The following ERCC6 variants were observed in gnomAD, a reference collection of about 807,000 sequenced individuals.
ERCC6 encodes ERCC excision repair 6, chromatin remodeling factor.
In ERCC6, 116 loss-of-function variants were observed where a neutral mutation model predicts 158.7. The observed-to-expected ratio is 0.73, with a 90% CI of 0.63 to 0.85. The LOEUF is 0.85. ERCC6 is among the 40% of genes least tolerant of loss of function. The pLI is 0.00. For synonymous variants in ERCC6, 678 were observed against 659.3 expected (o/e 1.03, Z -0.43); for missense variants, 1,698 against 1,799.4 (o/e 0.94, Z 1.02).
chr10:49,436,578 C>A, the ERCC6 span, among the ~76,000 whole-genome samples: 1 of 152,188 alleles, frequency 6.6e-6, no homozygotes, highest in Non-Finnish European at 1.5e-5. Context: ...TAAAGAAAAT[C>A]AAATAAAGGT....
At chr10:49,448,385 G>A in the ERCC6 span, among the ~76,000 whole-genome samples, 1 of 152,120 alleles carries the variant, frequency 6.6e-6, no homozygotes, top group East Asian at 1.9e-4. Flanking sequence ...TAATTGGGTT[G>A]TCTTTTTGTT....
At chr10:49,467,002 A>G (rs971447528) in intron 18 of ERCC6, among the ~76,000 whole-genome samples, 2 of 152,130 alleles carry the variant, frequency 1.3e-5, no homozygotes, top group African/African-American at 4.8e-5. Context: ...GTTGGTCTCG[A>G]ACTCCTGACC....
intron 18 of ERCC6, among the ~76,000 whole-genome samples, chr10:49,461,831 CCAAA>C (rs1850588696): frequency 1.3e-5 from 2 of 152,030 alleles, no homozygotes; most frequent in South Asian, 4.1e-4. Context: ...ACAGAAAAGA[CCAAA>C]CACTTAGGAA....
intron 8 of ERCC6, among the ~76,000 whole-genome samples, chr10:49,489,910 C>T (rs1011058035): frequency 6.6e-6 from 1 of 152,100 alleles, no homozygotes; most frequent in Non-Finnish European, 1.5e-5. Context: ...TTAAAAACAT[C>T]CTTTATTTTT....
intron 16 of ERCC6, among the ~76,000 whole-genome samples, chr10:49,471,640 G>C (rs2132538657): frequency 6.6e-6 from 1 of 152,214 alleles, no homozygotes; most frequent in African/African-American, 2.4e-5. Context: ...GTCCCTCCCT[G>C]TCATTTATTC....
chr10:49,468,585 G>A (rs1350384248), intron 18 of ERCC6, among the ~76,000 whole-genome samples: 1 of 152,212 alleles, frequency 6.6e-6, no homozygotes, highest in Non-Finnish European at 1.5e-5. Flanking sequence ...AGAGACAGGT[G>A]TATCTGTGCA....
chr10:49,520,477 C>T (rs528658179), intron 5 of ERCC6, among the ~76,000 whole-genome samples: 3 of 152,328 alleles, frequency 2.0e-5, no homozygotes, highest in African/African-American at 7.2e-5. Flanking sequence ...GAGACAAAAA[C>T]ATATCTGGAA....
rs1851016945 is a variant in ERCC6 at position 49,483,456 on chromosome 10, T to G, written c.1882A>C (p.Ile628Leu). ...HGILITSYSY[I>L]RLMQDDISRY... ...CTAATGTCATCCTGCATCAATCGAA[T>G]GTAGGAGTAAGATGTGATCAAAATT... is the stretch of plus-strand genomic sequence containing the variant. The change falls in exon 9 of 21, where the codon ATT becomes CTT. Residue 628 changes from isoleucine (I) to leucine (L), a missense_variant. Coordinates refer to ENST00000355832, the MANE Select transcript of ERCC6 (RefSeq NM_000124.4). 6.2e-7 allele frequency: 1 copy of G among 1,614,150 alleles called. No individual in the cohort carries two copies. Among genetic ancestry groups the G allele is most frequent in the African/African-American group, 1.3e-5 (1 of 75,060 alleles).
intron 18 of ERCC6, among the ~76,000 whole-genome samples, chr10:49,463,059 A>G (rs899686027): frequency 1.3e-5 from 2 of 152,232 alleles, no homozygotes; most frequent in Non-Finnish European, 2.9e-5. Context: ...TACAGGTTGA[A>G]TATCTCTTAC....
intron 8 of ERCC6, among the ~76,000 whole-genome samples, chr10:49,488,849 T>C (rs1417617099): frequency 6.6e-6 from 1 of 152,128 alleles, no homozygotes; most frequent in Non-Finnish European, 1.5e-5. Context: ...AGTGGCGTGA[T>C]CTCAGCTCAC....
chr10:49,476,512 T>C (rs1016998039), intron 11 of ERCC6, among the ~76,000 whole-genome samples: 1 of 152,116 alleles, frequency 6.6e-6, no homozygotes, highest in African/African-American at 2.4e-5. Context: ...CTGTCACTTG[T>C]CTACCTCCAG....
chr10:49,535,796 T>C (rs1042044150), intron 1 of ERCC6, among the ~76,000 whole-genome samples: 6 of 152,104 alleles, frequency 3.9e-5, no homozygotes, highest in Admixed American at 2.6e-4. Flanking sequence ...GCTGAGTGAA[T>C]TTGGATACCA....
chr10:49,515,843 A>C lies in ERCC6; in HGVS notation c.1397+8190T>G, dbSNP rs1836940906. ...GACACAGGGGATGGATACCAGCACCAGATGAGGCAACAGTGACAACACTGT... is the reference window on the plus strand; with the variant it reads ...GACACAGGGGATGGATACCAGCACCCGATGAGGCAACAGTGACAACACTGT... On this transcript the variant is annotated intron_variant, in intron 5 of 20. Transcript: ENST00000355832. 7.4e-6 allele frequency: 12 copies of C among 1,614,244 alleles called. No homozygotes were observed. The East Asian group carries it at 2.7e-4, about 36-fold the overall frequency.
At chr10:49,451,177 G>GTTTT (rs35839478), downstream of ERCC6, among the ~76,000 whole-genome samples, 52 of 130,134 alleles carry the variant, frequency 4.0e-4, 1 homozygote, top group African/African-American at 1.1e-3. Context: ...AGTTTCAATA[G>GTTTT]TTTTTTTTTT....
intron 1 of ERCC6, among the ~76,000 whole-genome samples, chr10:49,533,716 T>A (rs186657475): frequency 6.6e-6 from 1 of 152,256 alleles, no homozygotes; most frequent in East Asian, 1.9e-4. Flanking sequence ...GGCAGGAGGA[T>A]CACTTGAGCC....
chr10:49,477,343 A>G (rs1322582711), intron 11 of ERCC6, among the ~76,000 whole-genome samples: 1 of 151,968 alleles, frequency 6.6e-6, no homozygotes, highest in Non-Finnish European at 1.5e-5. Context: ...CCACCTCTGC[A>G]CTGTATCTGA....
Position 49,524,422 on chromosome 10 carries a change from C to T in ERCC6, c.1008G>A (p.Gln336=), listed in dbSNP as rs1837259283. Residue 336 remains glutamine (Q), a synonymous_variant, in exon 5 of 21, where the codon CAG becomes CAA. Transcript: ENST00000355832. ...ERLKKHIKKL[Q]KRALQFQGKV... is the part of the protein sequence containing the mutation. ...TCCCCTGGAACTGCAAAGCCCTCTT[C>T]TGGAGTTTCTTGATGTGCTTTTTCA... 2 of 1,614,124 alleles carry T rather than the reference C, an allele frequency of 1.2e-6. No individual in the cohort carries two copies. Among genetic ancestry groups the T allele is most frequent in the Non-Finnish European group, 1.7e-6 (2 of 1,180,052 alleles).
chr10:49,496,219 C>T (rs746707577), intron 7 of ERCC6, among the ~76,000 whole-genome samples: 1 of 152,162 alleles, frequency 6.6e-6, no homozygotes, highest in African/African-American at 2.4e-5. Flanking sequence ...AACAAGTTAA[C>T]GACTCTTCCT....
At chr10:49,513,142 T>A (rs114662249) in intron 5 of ERCC6, among the ~76,000 whole-genome samples, 2 of 152,158 alleles carry the variant, frequency 1.3e-5, no homozygotes, top group East Asian at 3.9e-4. Context: ...ATACATATCA[T>A]CACCCATGAA....
Sources: gnomAD v4.1 joint callset for allele counts (sites outside exome capture counted in the v4.1 genomes callset) on GRCh38, gnomAD v4.1.1 for gene constraint, MANE v1.5 for transcripts, NCBI Gene and HGNC (gene_info 2026-07-23, HGNC 2026-07-21) for gene names.